The following ASAP2 variants were observed in gnomAD, a reference collection of about 807,000 sequenced individuals.
ASAP2 encodes ArfGAP with SH3 domain, ankyrin repeat and PH domain 2.
In ASAP2, 45 loss-of-function variants were observed where a neutral mutation model predicts 131.4. The observed-to-expected ratio is 0.34, with a 90% confidence interval of 0.27 to 0.44. The LOEUF (loss-of-function observed/expected upper bound fraction) is 0.44. Ranked by LOEUF, ASAP2 falls within the 20% of genes least tolerant of loss-of-function variation. The pLI, the probability that ASAP2 is intolerant of heterozygous loss-of-function variation, is 1.00. For synonymous variants in ASAP2, 510 were observed against 503.0 expected, an observed-to-expected ratio of 1.01 and a Z score of -0.19; for missense variants, 1,011 against 1,297.0, an observed-to-expected ratio of 0.78 and a Z score of 3.39.
At chr2:9,302,561 G>A (rs1463516446) in intron 3 of ASAP2, among the ~76,000 whole-genome samples, 1 of 151,920 alleles carries the variant, frequency 6.6e-6, no homozygotes, top group South Asian at 2.1e-4. Flanking sequence ...TGCAGCCTCC[G>A]CCTCCCGGGT....
rs1352840276 is a variant in ASAP2 at position 9,279,386 on chromosome 2, C to A, written c.196C>A (p.Leu66Met). The part of the protein sequence containing the change: ...KSVKAINSSG[L>M]AHVENEEQYT... The stretch of plus-strand genomic sequence containing the variant: ...CGTGAAAGCAATCAACAGCTCTGGG[C>A]TGGGTGAGTATACATCCTTCCCTAG... Residue 66 changes from leucine to methionine, a missense_variant, in exon 2 of 28, where the codon CTG becomes ATG. Leu to Met is a conservative substitution (Grantham distance 15). Transcript: ENST00000281419. The A allele has an allele frequency of 4.3e-6, 7 of 1,613,678 alleles. No individual in the cohort carries two copies. The highest frequency in any genetic ancestry group is 4.2e-6 in the Non-Finnish European group (5 of 1,179,608).
At position 9,244,482 on chromosome 2, in the gene ASAP2, GAACA is replaced by G. The variant is rs778684307; in HGVS notation, c.127-34834_127-34831del. Among the ~76,000 whole-genome samples, 64 of 152,342 alleles carry G rather than the reference GAACA, an allele frequency of 4.2e-4. 1 individual carries two copies. The highest frequency in any genetic ancestry group is 2.9e-3 in the South Asian group (14 of 4,828). ...GTTTTTGAGTTTCACGGTGTGAACA[GAACA>G]GAGAACCCTTGATGAGAACACATGC... On this transcript the variant is annotated intron_variant, in intron 1 of 27. Transcript: ENST00000281419.
At chr2:9,357,174 A>T (rs1672764211) in intron 14 of ASAP2, among the ~76,000 whole-genome samples, 1 of 145,374 alleles carries the variant, frequency 6.9e-6, no homozygotes. Flanking sequence ...CCTTGGATCC[A>T]TTAAAAAAAA....
At chr2:9,215,299 C>T (rs1252118525) in intron 1 of ASAP2, among the ~76,000 whole-genome samples, 4 of 152,048 alleles carry the variant, frequency 2.6e-5, no homozygotes, top group Non-Finnish European at 5.9e-5. Context: ...ATGTGGAGCA[C>T]GACTGTATAT....
In ASAP2 at chr2:9,341,458, CT is replaced by C. The variant is rs112625474; in HGVS notation, c.850-3072del. On this transcript the variant is annotated intron_variant, in intron 9 of 27. Transcript: ENST00000281419. ...TAAAACAGGGTGATTTCATTGTCAC[CT>C]TCTGGCATAGGGTCTGATTCTGTTG... Among the ~76,000 whole-genome samples, 1,496 of 152,250 alleles carry C rather than the reference CT, an allele frequency of 9.8e-3. 30 individuals are homozygous for C. Among genetic ancestry groups the C allele is most frequent in the African/African-American group, 0.034 (1,422 of 41,542 alleles).
chr2:9,285,502 A>G (rs1203948535), intron 2 of ASAP2, among the ~76,000 whole-genome samples: 1 of 152,216 alleles, frequency 6.6e-6, no homozygotes, highest in Non-Finnish European at 1.5e-5. Flanking sequence ...TATTTTCTGG[A>G]GAGTCTTAGC....
chr2:9,385,201 C>T (rs369660217), intron 20 of ASAP2, 44 bp from the exon 21 acceptor site: 16 of 1,472,848 alleles, frequency 1.1e-5, no homozygotes, highest in African/African-American at 8.3e-5. Flanking sequence ...GATGCATGGC[C>T]GAGTGTATGA....
At chr2:9,363,393 C>T (rs1181724600) in intron 15 of ASAP2, among the ~76,000 whole-genome samples, 1 of 152,172 alleles carries the variant, frequency 6.6e-6, no homozygotes, top group Non-Finnish European at 1.5e-5. Flanking sequence ...TAATAATTTA[C>T]ATTCCCACCC....
Position 9,234,443 on chromosome 2 carries a change from A to G in ASAP2, c.126+27213A>G, listed in dbSNP as rs1200561070. Among the ~76,000 whole-genome samples the G allele has an allele frequency of 2.0e-5, 3 of 152,110 alleles. No individual in the cohort carries two copies. In the South Asian group the frequency reaches 6.2e-4, roughly 32 times the overall value. ...ACAGCACACAGATTGCACCAGAACA[A>G]GGTAATGGCGGCGCGTGGCCTTGCA... On this transcript the variant is annotated intron_variant, in intron 1 of 27. Coordinates refer to ENST00000281419, the MANE Select transcript of ASAP2 (RefSeq NM_003887.3).
At chr2:9,230,206 T>C (rs931231932) in intron 1 of ASAP2, among the ~76,000 whole-genome samples, 1 of 152,192 alleles carries the variant, frequency 6.6e-6, no homozygotes, top group Admixed American at 6.5e-5. Flanking sequence ...GTGATAAATG[T>C]GTCAGGATAC....
intron 1 of ASAP2, among the ~76,000 whole-genome samples, chr2:9,235,767 G>A (rs1267238298): frequency 6.6e-6 from 1 of 152,204 alleles, no homozygotes; most frequent in East Asian, 1.9e-4. Flanking sequence ...GAAGTGGTCA[G>A]GCTGCTGTTG....
chr2:9,310,332 G>T (rs1379819858), intron 3 of ASAP2, among the ~76,000 whole-genome samples: 2 of 152,182 alleles, frequency 1.3e-5, no homozygotes, highest in Non-Finnish European at 2.9e-5. Context: ...TGGCCATATT[G>T]TATATTACAT....
intron 7 of ASAP2, among the ~76,000 whole-genome samples, chr2:9,329,962 A>G (rs112737265): frequency 0.026 from 3,921 of 152,202 alleles, 164 homozygotes; most frequent in African/African-American, 0.089. Flanking sequence ...TGTCTCCATG[A>G]TGACATCTTC....
At chr2:9,356,880 AT>A (rs1462698748) in intron 14 of ASAP2, among the ~76,000 whole-genome samples, 9 of 152,262 alleles carry the variant, frequency 5.9e-5, no homozygotes, top group African/African-American at 2.2e-4. Context: ...TTATTTTTAC[AT>A]TTTGATAAAG....
chr2:9,210,127 C>T (rs572444700), intron 1 of ASAP2, among the ~76,000 whole-genome samples: 3 of 152,290 alleles, frequency 2.0e-5, no homozygotes, highest in African/African-American at 7.2e-5. Context: ...GGTTATAGAG[C>T]TCTGAAGTGG....
intron 1 of ASAP2, among the ~76,000 whole-genome samples, chr2:9,259,763 A>G (rs1177188469): frequency 6.6e-6 from 1 of 152,186 alleles, no homozygotes; most frequent in African/African-American, 2.4e-5. Context: ...AGATCTTCAG[A>G]TGAACTCATC....
At chr2:9,256,497 G>A (rs1159782691) in intron 1 of ASAP2, among the ~76,000 whole-genome samples, 1 of 152,204 alleles carries the variant, frequency 6.6e-6, no homozygotes, top group Non-Finnish European at 1.5e-5. Flanking sequence ...GATAAGGACT[G>A]CAAGGAGATA....
chr2:9,334,597 T>C, intron 7 of ASAP2, 141 bp from the exon 8 acceptor site: 1 of 672,762 alleles, frequency 1.5e-6, no homozygotes, highest in South Asian at 2.0e-5. Flanking sequence ...TTGCCTGATA[T>C]TTTAAGGTTC....
intron 15 of ASAP2, among the ~76,000 whole-genome samples, chr2:9,366,601 C>A (rs888265047): frequency 6.6e-6 from 1 of 152,172 alleles, no homozygotes; most frequent in African/African-American, 2.4e-5. Context: ...GGTGTGCCAC[C>A]TGACCATTCT....
Sources: allele counts gnomAD v4.1 joint callset (sites outside exome capture counted in the v4.1 genomes callset), GRCh38; gene constraint gnomAD v4.1.1; transcripts MANE v1.5; gene names NCBI Gene and HGNC (gene_info 2026-07-23, HGNC 2026-07-21).